The following NKAIN3 variants were observed in gnomAD, a reference collection of about 807,000 sequenced individuals.
NKAIN3 encodes sodium/potassium-transporting ATPase subunit beta-1-interacting protein 3.
Under a neutral mutation model 30.2 loss-of-function variants are expected in NKAIN3, and 25 were observed. The ratio of observed to expected loss-of-function variants is 0.83; its 90% CI spans 0.60 to 1.16. The LOEUF is 1.16. NKAIN3 is among the 50% of genes most tolerant of loss of function. NKAIN3 has a pLI of 0.00. For synonymous variants in NKAIN3, 91 were observed against 89.6 expected (o/e 1.02, Z -0.09); for missense variants, 225 against 254.1 (o/e 0.89, Z 0.78).
Position 62,290,971 on chromosome 8 carries a change from G to T in NKAIN3, c.54+41844G>T, listed in dbSNP as rs1269018966. ...TTCTTCCTGGTTTAGTCTTCGGAGG[G>T]TGTATGTGCCCAGGAATTTATCAAC... On this transcript the variant is annotated intron_variant, in intron 1 of 6. Coordinates refer to ENST00000623646, the MANE Select transcript of NKAIN3 (RefSeq NM_001304533.3). Among the ~76,000 whole-genome samples the T allele has an allele frequency of 2.6e-5, 4 of 152,114 alleles. No individual in the cohort carries two copies. The East Asian group carries it at 7.7e-4, about 29-fold the overall frequency.
chr8:62,597,689 T>TATTTCTAG (rs1186819827), intron 3 of NKAIN3, among the ~76,000 whole-genome samples: 1 of 152,022 alleles, frequency 6.6e-6, no homozygotes, highest in Admixed American at 6.6e-5. Context: ...CTATAAGATC[T>TATTTCTAG]ATTTCTAGAA....
In NKAIN3 at chr8:62,883,457, G is replaced by GTTGTTGTTTTTTT; in HGVS notation, c.472-34994_472-34993insGTTGTTTTTTTTT. On this transcript the variant is annotated intron_variant, in intron 4 of 6. Coordinates refer to ENST00000623646, the MANE Select transcript of NKAIN3 (RefSeq NM_001304533.3). Reference sequence around the variant, plus strand: ...TTTATTATTTCCAGGAGTTTTATGGGTTTTTTTTTTTTTTTTCAGATTTTC... The same window carrying GTTGTTGTTTTTTT: ...TTTATTATTTCCAGGAGTTTTATGGGTTGTTGTTTTTTTTTTTTTTTTTTTTTTTCAGATTTTC... 1.9e-3 allele frequency among the ~76,000 whole-genome samples: 134 copies of GTTGTTGTTTTTTT among 70,218 alleles called. 11 individuals are homozygous for GTTGTTGTTTTTTT. In the East Asian group the frequency reaches 0.021, roughly 11 times the overall value. 46.1% of individuals were successfully genotyped at this position (70,218 alleles called of 152,430 possible). A position where few individuals can be genotyped will look rare whatever the true frequency, so the allele number is the denominator to read the frequency against.
chr8:62,918,497 GGAA>G lies in NKAIN3; in HGVS notation c.525_527del (p.Glu175del), dbSNP rs769386725. 1.9e-6 allele frequency: 3 copies of G among 1,612,436 alleles called. No homozygotes were observed. Among genetic ancestry groups the G allele is most frequent in the African/African-American group, 1.3e-5 (1 of 74,886 alleles). On this transcript the variant is annotated inframe_deletion, in exon 5 of 7. Coordinates refer to ENST00000623646, the MANE Select transcript of NKAIN3 (RefSeq NM_001304533.3). ...CCTGTTATGTGATCAGTATTTCCATGGAAGAAGAAGACACATGTAAGTACTGTT... is the reference window on the plus strand; with the variant it reads ...CCTGTTATGTGATCAGTATTTCCATGGAAGAAGACACATGTAAGTACTGTT...
At chr8:62,927,150 T>A (rs1822474213) in intron 5 of NKAIN3, among the ~76,000 whole-genome samples, 1 of 152,158 alleles carries the variant, frequency 6.6e-6, no homozygotes, top group South Asian at 2.1e-4. Context: ...CTCTGCAAAG[T>A]GGCCGAGACT....
chr8:62,791,414 A>C (rs1817697963), intron 4 of NKAIN3, among the ~76,000 whole-genome samples: 1 of 152,136 alleles, frequency 6.6e-6, no homozygotes. Flanking sequence ...GTGAAAATTT[A>C]ACCAACAATT....
chr8:62,571,139 ATTT>A lies in NKAIN3; in HGVS notation c.55-8386_55-8384del, dbSNP rs34068438. Among the ~76,000 whole-genome samples the A allele has an allele frequency of 9.5e-4, 135 of 142,396 alleles. 1 individual carries two copies. The highest frequency in any genetic ancestry group is 3.6e-3 in the Middle Eastern group (1 of 278). 93.4% of individuals were successfully genotyped at this position (142,396 alleles called of 152,430 possible). A position where few individuals can be genotyped will look rare whatever the true frequency, so the allele number is the denominator to read the frequency against. ...AGTCTTGGGTTATTGAAATAGGCTT[ATTT>A]TTTTTTTTTTTTTCAGACAGTCTCA... On this transcript the variant is annotated intron_variant, in intron 1 of 6. Transcript: ENST00000623646.
intron 1 of NKAIN3, among the ~76,000 whole-genome samples, chr8:62,252,989 G>A (rs561144513): frequency 6.6e-6 from 1 of 152,270 alleles, no homozygotes; most frequent in African/African-American, 2.4e-5. Context: ...ATTTTGGCAG[G>A]CATTGTTCCC....
At chr8:62,844,681 C>CTGTA (rs1027929404) in intron 4 of NKAIN3, among the ~76,000 whole-genome samples, 1 of 152,060 alleles carries the variant, frequency 6.6e-6, no homozygotes, top group African/African-American at 2.4e-5. Context: ...ATACAAAATG[C>CTGTA]TGTACATTAG....
At chr8:62,271,999 C>T (rs888628318) in intron 1 of NKAIN3, among the ~76,000 whole-genome samples, 13 of 152,064 alleles carry the variant, frequency 8.5e-5, no homozygotes, top group African/African-American at 3.1e-4. Context: ...GTAACGTTAA[C>T]CTACAAAAAA....
At chr8:62,380,677 T>C (rs1367862454) in intron 1 of NKAIN3, among the ~76,000 whole-genome samples, 1 of 152,230 alleles carries the variant, frequency 6.6e-6, no homozygotes, top group African/African-American at 2.4e-5. Flanking sequence ...CAAGCTCCCA[T>C]GTCAACCTTC....
At chr8:62,744,403 A>G (rs2130577632) in intron 3 of NKAIN3, among the ~76,000 whole-genome samples, 1 of 152,338 alleles carries the variant, frequency 6.6e-6, no homozygotes, top group Middle Eastern at 3.4e-3. Flanking sequence ...AGTGTAACAA[A>G]TATGTATGAT....
In NKAIN3 at chr8:62,977,626, G is replaced by A. The variant is rs1321196606; in HGVS notation, c.*12219G>A. On this transcript the variant is annotated 3_prime_UTR_variant, in exon 7 of 7. Coordinates refer to ENST00000623646, the MANE Select transcript of NKAIN3 (RefSeq NM_001304533.3). ...GCAATTCCTCTAACCTTTTATCAAG[G>A]TTCTTAGCTTCCTCGTATTGGGTTA... Among the ~76,000 whole-genome samples, 1 of 151,912 alleles carries A rather than the reference G, an allele frequency of 6.6e-6. No homozygotes were observed. Among genetic ancestry groups the A allele is most frequent in the Non-Finnish European group, 1.5e-5 (1 of 67,998 alleles).
intron 1 of NKAIN3, among the ~76,000 whole-genome samples, chr8:62,545,380 G>A (rs1180029252): frequency 6.6e-6 from 1 of 152,124 alleles, no homozygotes; most frequent in Admixed American, 6.6e-5. Context: ...GAGGCCAGGA[G>A]TTCAAGACCA....
rs538787409 is a variant in NKAIN3 at position 62,941,258 on chromosome 8, T to G, written c.533-12644T>G. On this transcript the variant is annotated intron_variant, in intron 5 of 6. Coordinates refer to ENST00000623646, the MANE Select transcript of NKAIN3 (RefSeq NM_001304533.3). Reference sequence around the variant, plus strand: ...AGCAGCAAGATTGAAATGGTAATTTTTTTAAAAAATTACCAATAGAAAAGT... The same window carrying G: ...AGCAGCAAGATTGAAATGGTAATTTGTTTAAAAAATTACCAATAGAAAAGT... 9.9e-5 allele frequency among the ~76,000 whole-genome samples: 15 copies of G among 152,140 alleles called. No individual in the cohort carries two copies. The South Asian group carries it at 2.9e-3, about 29-fold the overall frequency.
At chr8:62,361,410 C>T (rs1816558214) in intron 1 of NKAIN3, among the ~76,000 whole-genome samples, 8 of 152,174 alleles carry the variant, frequency 5.3e-5, no homozygotes, top group Admixed American at 5.2e-4. Context: ...AGCGTAAGCT[C>T]TGTGAAAGAA....
chr8:62,622,941 A>C (rs1811664645), intron 3 of NKAIN3, among the ~76,000 whole-genome samples: 1 of 152,010 alleles, frequency 6.6e-6, no homozygotes, highest in Non-Finnish European at 1.5e-5. Context: ...TTAATTAATT[A>C]AATTGTATTT....
At chr8:62,706,432 A>T (rs1814523047) in intron 3 of NKAIN3, among the ~76,000 whole-genome samples, 1 of 152,062 alleles carries the variant, frequency 6.6e-6, no homozygotes, top group Non-Finnish European at 1.5e-5. Context: ...TCTTCCTTCT[A>T]AAAGTAATGG....
intron 3 of NKAIN3, among the ~76,000 whole-genome samples, chr8:62,699,589 C>T (rs1244611508): frequency 1.3e-5 from 2 of 152,190 alleles, no homozygotes; most frequent in Non-Finnish European, 2.9e-5. Context: ...GAAGAGGTCT[C>T]TTAGTTGAAC....
chr8:62,685,804 G>A (rs1395347623), intron 3 of NKAIN3, among the ~76,000 whole-genome samples: 3 of 152,134 alleles, frequency 2.0e-5, no homozygotes, highest in Non-Finnish European at 4.4e-5. Context: ...CAACTATTAA[G>A]TCTTTTGGAT....
Sources: allele counts gnomAD v4.1 joint callset (sites outside exome capture counted in the v4.1 genomes callset), GRCh38; gene constraint gnomAD v4.1.1; transcripts MANE v1.5; gene names NCBI Gene and HGNC (gene_info 2026-07-23, HGNC 2026-07-21).